FRMD8: variants seen among roughly 807,000 people sequenced by gnomAD.
FRMD8 encodes the protein FERM domain-containing protein 8.
Under a neutral mutation model 54.2 loss-of-function variants are expected in FRMD8, and 37 were observed. That is an observed-to-expected ratio of 0.68 (90% CI 0.53 to 0.90). The LOEUF (loss-of-function observed/expected upper bound fraction) is 0.90. Ranked by LOEUF, FRMD8 falls within the 40% of genes least tolerant of loss-of-function variation. The probability of loss-of-function intolerance (pLI) is 0.00; values close to 1 mark genes in which losing one functional copy is unlikely to be tolerated. For missense variants in FRMD8, 585 were observed against 653.7 expected, an observed-to-expected ratio of 0.89 and a Z score of 1.15; for synonymous variants, 246 against 286.9, an observed-to-expected ratio of 0.86 and a Z score of 1.44.
At chr11:65,409,437 A>G (rs904703806) in intron 10 of FRMD8, among the ~76,000 whole-genome samples, 2 of 152,116 alleles carry the variant, frequency 1.3e-5, no homozygotes, top group African/African-American at 2.4e-5. Flanking sequence ...TTCCTGAATT[A>G]CTGATGATTT....
the FRMD8 span, among the ~76,000 whole-genome samples, chr11:65,373,463 T>C: frequency 6.6e-6 from 1 of 152,216 alleles, no homozygotes; most frequent in Non-Finnish European, 1.5e-5. Flanking sequence ...TCTTAAACTT[T>C]AGCATGTGTA....
rs1034610687 is a variant in FRMD8 at position 65,404,229 on chromosome 11, G to T, written c.1072-635G>T. Among the ~76,000 whole-genome samples, 1 of 152,164 alleles carries T rather than the reference G, an allele frequency of 6.6e-6. No homozygotes were observed. The highest frequency in any genetic ancestry group is 1.9e-4 in the East Asian group (1 of 5,198). On this transcript the variant is annotated intron_variant, in intron 9 of 10. Coordinates refer to ENST00000317568, the MANE Select transcript of FRMD8 (RefSeq NM_031904.5). The surrounding 1 kb of genome is among the most constrained non-coding windows in gnomAD (Gnocchi z 4.7). ...CCAGGCCTGCAGCAGTGCTTGGCAC[G>T]TGGGAGGCACTCAGGAAATACCTGT...
chr11:65,391,420 C>T (rs911811450), intron 3 of FRMD8, among the ~76,000 whole-genome samples: 4 of 152,158 alleles, frequency 2.6e-5, no homozygotes, highest in Admixed American at 1.3e-4. Context: ...TCCACAAGGA[C>T]GTGCAAAGCC....
chr11:65,395,219 T>C (rs1442981204), intron 6 of FRMD8, among the ~76,000 whole-genome samples: 4 of 134,998 alleles, frequency 3.0e-5, no homozygotes, highest in Non-Finnish European at 3.2e-5. Flanking sequence ...TGCACTCCAG[T>C]CTGGGTGACA....
the FRMD8 span, chr11:65,376,974 C>T: frequency 3.1e-6 from 5 of 1,613,018 alleles, no homozygotes; most frequent in South Asian, 2.2e-5. Flanking sequence ...GCACAGTGCA[C>T]GGGCCCCTGG....
At chr11:65,389,047 T>C (rs190272845) in intron 2 of FRMD8, among the ~76,000 whole-genome samples, 44 of 152,246 alleles carry the variant, frequency 2.9e-4, no homozygotes, top group African/African-American at 1.0e-3. Context: ...GAGGGGCAGG[T>C]TTGCAATGGC....
the FRMD8 span, chr11:65,378,439 G>C: frequency 2.0e-5 from 3 of 152,204 alleles, 1 homozygote; most frequent in Non-Finnish European, 4.4e-5. Context: ...AGAGCTGGGG[G>C]GGCAGGGTGA....
chr11:65,397,875 CTTTTT>C (rs71064881), intron 7 of FRMD8, among the ~76,000 whole-genome samples: 6 of 106,760 alleles, frequency 5.6e-5, no homozygotes, highest in Admixed American at 9.6e-5. Context: ...ATTTTTCTTT[CTTTTT>C]TTTTTTTTTT....
intron 7 of FRMD8, among the ~76,000 whole-genome samples, chr11:65,398,910 T>C (rs1856010047): frequency 6.6e-6 from 1 of 151,538 alleles, no homozygotes; most frequent in African/African-American, 2.4e-5. Context: ...GGGCTCTGGC[T>C]CAGTGGGTGG....
intron 7 of FRMD8, among the ~76,000 whole-genome samples, chr11:65,398,417 T>C (rs1054794282): frequency 6.6e-6 from 1 of 152,238 alleles, no homozygotes; most frequent in Non-Finnish European, 1.5e-5. Flanking sequence ...GCGAATCCTA[T>C]GCATATGGAT....
Position 65,394,296 on chromosome 11 carries a change from A to C in FRMD8, c.452A>C (p.Glu151Ala). 4 of 1,595,922 alleles carry C rather than the reference A, an allele frequency of 2.5e-6. No individual in the cohort carries two copies. Among genetic ancestry groups the C allele is most frequent in the Non-Finnish European group, 3.4e-6 (4 of 1,171,594 alleles). Reference protein sequence around the residue: ...DEEVLRLLYEEAKGNVLAARY... With the variant: ...DEEVLRLLYEAAKGNVLAARY... ...GAGGTCCTGCGGCTGCTCTATGAGG[A>C]GGCCAAGGGCAACGTGCTGGCTGCA... The change falls in exon 6 of 11, where the codon GAG (glutamate) becomes GCG (alanine). Residue 151 changes from glutamate (E) to alanine (A), a missense_variant. Coordinates refer to ENST00000317568, the MANE Select transcript of FRMD8 (RefSeq NM_031904.5).
chr11:65,371,391 A>G, the FRMD8 span, among the ~76,000 whole-genome samples: 11 of 152,244 alleles, frequency 7.2e-5, no homozygotes, highest in Middle Eastern at 6.8e-3. Context: ...GTCCAATGGG[A>G]CTTTATTTAA....
intron 10 of FRMD8, among the ~76,000 whole-genome samples, chr11:65,408,498 TAC>T (rs1856258248): frequency 6.6e-6 from 1 of 151,824 alleles, no homozygotes; most frequent in African/African-American, 2.4e-5. Context: ...TTGTGGGCAT[TAC>T]AGTTTTCAGC....
the FRMD8 span, among the ~76,000 whole-genome samples, chr11:65,374,796 C>T: frequency 2.0e-5 from 3 of 151,766 alleles, no homozygotes; most frequent in Non-Finnish European, 2.9e-5. Flanking sequence ...GTGAGACCTC[C>T]TCTCTACAAA....
the FRMD8 span, chr11:65,379,464 A>G: frequency 3.7e-6 from 6 of 1,614,058 alleles, no homozygotes; most frequent in Non-Finnish European, 5.1e-6. Flanking sequence ...GGTGGCCGTG[A>G]GCACCAGCAG....
intron 10 of FRMD8, among the ~76,000 whole-genome samples, chr11:65,406,426 C>A (rs558440843): frequency 6.6e-6 from 1 of 151,830 alleles, no homozygotes; most frequent in Admixed American, 6.6e-5. Flanking sequence ...GATCTCCTGA[C>A]CTTGTGGTCC....
At position 65,394,272 on chromosome 11, in the gene FRMD8, A is replaced by C. The variant is rs776426148; in HGVS notation, c.428A>C (p.Glu143Ala). 4 of 1,600,118 alleles carry C rather than the reference A, an allele frequency of 2.5e-6. No homozygotes were observed. In the South Asian group the frequency reaches 4.5e-5, roughly 18 times the overall value. Residue 143 changes from glutamate (E) to alanine (A), a missense_variant, in exon 6 of 11, where the codon GAG (glutamate) becomes GCG (alanine). Glu to Ala is a moderately radical substitution (Grantham distance 107). Transcript: ENST00000317568. ...KRRELQIHDE[E>A]VLRLLYEEAK... The stretch of plus-strand genomic sequence containing the variant: ...ACCCCCCTGCAGATCCATGACGAGG[A>C]GGTCCTGCGGCTGCTCTATGAGGAG...
chr11:65,390,895 C>T (rs566978889), intron 3 of FRMD8, among the ~76,000 whole-genome samples: 35 of 152,264 alleles, frequency 2.3e-4, no homozygotes, highest in African/African-American at 5.5e-4. Context: ...CTTTGTTGCC[C>T]GGCCCACACA....
upstream of FRMD8, chr11:65,382,353 A>C: frequency 4.3e-6 from 1 of 233,558 alleles, no homozygotes. The surrounding 1 kb of genome is among the most constrained non-coding windows in gnomAD (Gnocchi z 4.4). Context: ...CATCTCCACC[A>C]AGGGGCATGG....
Sources: gnomAD v4.1 joint callset for allele counts (sites outside exome capture counted in the v4.1 genomes callset) on GRCh38, gnomAD v4.1.1 for gene constraint, Gnocchi (gnomAD v3.1) non-coding constraint, MANE v1.5 for transcripts, NCBI Gene and HGNC (gene_info 2026-07-23, HGNC 2026-07-21) for gene names.